ABCC9: variants seen among roughly 807,000 people sequenced by gnomAD.
ABCC9 encodes the protein ATP binding cassette subfamily C member 9, also known as ATP-binding cassette sub-family C member 9.
Under a neutral mutation model 188.3 loss-of-function variants are expected in ABCC9, and 95 were observed. The ratio of observed to expected loss-of-function variants is 0.50; its 90% CI spans 0.43 to 0.60. The LOEUF (loss-of-function observed/expected upper bound fraction) is 0.60. ABCC9 is among the 20% of genes least tolerant of loss of function. ABCC9 has a pLI of 0.00. For missense variants in ABCC9, 1,102 were observed against 1,876.3 expected (o/e 0.59, Z 7.62); for synonymous variants, 659 against 652.7 (o/e 1.01, Z -0.15).
At position 21,895,235 on chromosome 12, in the gene ABCC9, G is replaced by A. The variant is rs138216988; in HGVS notation, c.1659+40C>T. On this transcript the variant is annotated intron_variant, in intron 13 of 39. Transcript: ENST00000261200. ...TGCTCATAAATCATTTATAAACACT[G>A]ACTTGGTTTCATTTCTAAAAGAGAG... 1.7e-4 allele frequency: 267 copies of A among 1,561,818 alleles called. No individual in the cohort carries two copies. In the African/African-American group the frequency reaches 2.5e-3, roughly 15 times the overall value.
Position 21,863,070 on chromosome 12 carries a change from GAAAA to G in ABCC9, c.2238-20_2238-17del. ...CCTGTTCCTACTGAAAAATGAAAAA[GAAAA>G]AAAAAAACACCAGGATTATGCAAAG... On this transcript the variant is annotated splice_polypyrimidine_tract_variant and intron_variant, in intron 19 of 39. Transcript: ENST00000261200. 11 of 1,299,860 alleles carry G rather than the reference GAAAA, an allele frequency of 8.5e-6. No homozygotes were observed. The highest frequency in any genetic ancestry group is 1.2e-5 in the Non-Finnish European group (11 of 934,162). The allele number at this position is 1,299,860 out of a possible 1,614,324, so 80.5% of individuals were successfully genotyped here.
At chr12:21,898,387 T>C (rs759029391) in intron 12 of ABCC9, among the ~76,000 whole-genome samples, 1 of 152,094 alleles carries the variant, frequency 6.6e-6, no homozygotes, top group Non-Finnish European at 1.5e-5. Flanking sequence ...CAACTTAGAG[T>C]AGTACAATAT....
chr12:21,910,316 C>CAAA lies in ABCC9; in HGVS notation c.1165-5_1165-4insTTT. 1 of 1,469,216 alleles carries CAAA rather than the reference C, an allele frequency of 6.8e-7. No homozygotes were observed. The highest frequency in any genetic ancestry group is 1.3e-5 in the South Asian group (1 of 76,472). 91.0% of individuals were successfully genotyped at this position (1,469,216 alleles called of 1,614,324 possible). ...GGATTTTATTATAAATCATGGCCTA[C>CAAA]CAAAAAAAAAAAAAAGAGTACATAA... On this transcript the variant is annotated splice_region_variant and splice_polypyrimidine_tract_variant and intron_variant, in intron 9 of 39. Coordinates refer to ENST00000261200, the MANE Select transcript of ABCC9 (RefSeq NM_020297.4).
chr12:21,848,234 C>A lies in ABCC9; in HGVS notation c.2782G>T (p.Asp928Tyr). The A allele has an allele frequency of 6.2e-7, 1 of 1,613,366 alleles. No homozygotes were observed. Among genetic ancestry groups the A allele is most frequent in the South Asian group, 1.1e-5 (1 of 91,064 alleles). ...DQELEKDMEA[D>Y]QTTLERKTLR... is the part of the protein sequence containing the mutation. ...GTTTTCCTCTCTAAAGTAGTTTGGT[C>A]AGCTTCCATATCCTGCAGTAAACAT... Residue 928 changes from aspartate (D) to tyrosine (Y), a missense_variant, in exon 25 of 40, where the codon GAC becomes TAC. Physicochemically the swap from Asp to Tyr is radical, Grantham distance 160. Transcript: ENST00000261200.
chr12:21,806,483 A>C (rs1054702980), intron 38 of ABCC9, among the ~76,000 whole-genome samples: 1 of 152,200 alleles, frequency 6.6e-6, no homozygotes, highest in Non-Finnish European at 1.5e-5. Context: ...TGGACATTCT[A>C]GGCAGCAACT....
chr12:21,904,062 T>C (rs1201532166), intron 12 of ABCC9, among the ~76,000 whole-genome samples: 1 of 152,218 alleles, frequency 6.6e-6, no homozygotes, highest in African/African-American at 2.4e-5. Flanking sequence ...AACAGCATGG[T>C]ACTGGTACCA....
intron 13 of ABCC9, among the ~76,000 whole-genome samples, chr12:21,894,733 C>T (rs369474017): frequency 4.1e-4 from 63 of 152,282 alleles, no homozygotes; most frequent in African/African-American, 1.5e-3. Context: ...ACCTCAGCCT[C>T]CCAGTTAGCC....
At position 21,913,033 on chromosome 12, in the gene ABCC9, A is replaced by G; in HGVS notation, c.850T>C (p.Ser284Pro). ...KVADHPNRTPSIWLAMYRAFG... is the reference protein window; with the variant it reads ...KVADHPNRTPPIWLAMYRAFG... Reference sequence around the variant, plus strand: ...GCTCTGTACATTGCAAGCCATATAGATGGAGTCCGATTTGGATGATCTGCA... The same window carrying G: ...GCTCTGTACATTGCAAGCCATATAGGTGGAGTCCGATTTGGATGATCTGCA... The change falls in exon 8 of 40, where the codon TCT becomes CCT. Residue 284 changes from serine to proline, a missense_variant. Coordinates refer to ENST00000261200, the MANE Select transcript of ABCC9 (RefSeq NM_020297.4). 6.2e-7 allele frequency: 1 copy of G among 1,607,170 alleles called. No homozygotes were observed. Among genetic ancestry groups the G allele is most frequent in the Non-Finnish European group, 8.5e-7 (1 of 1,178,034 alleles).
chr12:21,898,478 T>G (rs1947539901), intron 12 of ABCC9, among the ~76,000 whole-genome samples: 2 of 152,168 alleles, frequency 1.3e-5, no homozygotes, highest in Admixed American at 1.3e-4. Flanking sequence ...TAAAACTCCT[T>G]CCAACTTTAT....
At position 21,924,115 on chromosome 12, in the gene ABCC9, G is replaced by A. The variant is rs970357558; in HGVS notation, c.406+1827C>T. 2.1e-5 allele frequency: 7 copies of A among 336,760 alleles called. No homozygotes were observed. In the East Asian group the frequency reaches 3.2e-4, roughly 16 times the overall value. 20.9% of individuals were successfully genotyped at this position (336,760 alleles called of 1,614,324 possible). On this transcript the variant is annotated intron_variant, in intron 5 of 39. Transcript: ENST00000261200. ...ATTGCTTCTGTAAAGGTGAAATTGA[G>A]TATAAGAAAATTTGCATGGATGATA... is the stretch of plus-strand genomic sequence containing the variant.
chr12:21,817,115 A>T (rs546756971), intron 33 of ABCC9, 72 bp downstream of exon 33: 26 of 1,533,326 alleles, frequency 1.7e-5, no homozygotes, highest in Non-Finnish European at 2.2e-5. Flanking sequence ...AGAAACAACA[A>T]TGTGCCCAAC....
At chr12:21,906,051 A>C in intron 12 of ABCC9, 75 bp downstream of exon 12, 2 of 1,496,596 alleles carry the variant, frequency 1.3e-6, no homozygotes, top group South Asian at 2.3e-5. Flanking sequence ...CATTGATCAC[A>C]ATCTAAACTG....
Position 21,806,039 on chromosome 12 carries a change from C to T in ABCC9, c.4471G>A (p.Val1491Ile), listed in dbSNP as rs757007049. 6.2e-7 allele frequency: 1 copy of T among 1,613,464 alleles called. No homozygotes were observed. Among genetic ancestry groups the T allele is most frequent in the Non-Finnish European group, 8.5e-7 (1 of 1,179,724 alleles). Residue 1491 changes from valine (V) to isoleucine (I), a missense_variant, in exon 39 of 40, where the codon GTA (valine) becomes ATA (isoleucine). Transcript: ENST00000261200. ...MATENILQKV[V>I]MTAFADRTVV... is the part of the protein sequence containing the mutation. ...GTCCGGTCTGCAAAGGCTGTCATTACTACTTTTTGCAAAATATTCTCCTGC... is the reference window on the plus strand; with the variant it reads ...GTCCGGTCTGCAAAGGCTGTCATTATTACTTTTTGCAAAATATTCTCCTGC...
Position 21,814,631 on chromosome 12 carries a change from G to C in ABCC9, c.4102+13C>G. 3.1e-6 allele frequency: 5 copies of C among 1,612,688 alleles called. No individual in the cohort carries two copies. Among genetic ancestry groups the C allele is most frequent in the Non-Finnish European group, 4.2e-6 (5 of 1,178,924 alleles). On this transcript the variant is annotated intron_variant, in intron 35 of 39. Coordinates refer to ENST00000261200, the MANE Select transcript of ABCC9 (RefSeq NM_020297.4). ...ACCAAGTGGCCACTTAAAAAATTTA[G>C]TTAGCAACTCACCATCAAATATATC...
In ABCC9 at chr12:21,941,073, G is replaced by T. The variant is rs1565506404; in HGVS notation, c.-137+127C>A. 1.3e-5 allele frequency: 2 copies of T among 152,226 alleles called. No homozygotes were observed. The highest frequency in any genetic ancestry group is 2.1e-4 in the South Asian group (1 of 4,832). 9.4% of individuals were successfully genotyped at this position (152,226 alleles called of 1,614,324 possible). The stretch of plus-strand genomic sequence containing the variant: ...GAAATAGCGATCGCGAAAGCTAAGT[G>T]CCGAGAAGTGCGAGAGAGTGCGAGG... On this transcript the variant is annotated intron_variant, in intron 1 of 39. Transcript: ENST00000261200. The surrounding 1 kb of genome is among the most constrained non-coding windows in gnomAD (Gnocchi z 5.4).
At chr12:21,808,133 AG>A (rs1481168076) in intron 37 of ABCC9, among the ~76,000 whole-genome samples, 1 of 152,062 alleles carries the variant, frequency 6.6e-6, no homozygotes, top group Admixed American at 6.6e-5. Flanking sequence ...CTTTTTTATT[AG>A]AATTCAAACA....
intron 22 of ABCC9, among the ~76,000 whole-genome samples, chr12:21,853,167 A>G (rs565481971): frequency 1.2e-4 from 18 of 152,168 alleles, no homozygotes; most frequent in African/African-American, 4.3e-4. Flanking sequence ...CACAAAAATT[A>G]GCTGGGCATG....
intron 29 of ABCC9, among the ~76,000 whole-genome samples, chr12:21,838,391 T>C (rs1944213649): frequency 6.6e-6 from 1 of 152,158 alleles, no homozygotes; most frequent in Non-Finnish European, 1.5e-5. Context: ...ACATAATGTG[T>C]TGTACAAAAC....
chr12:21,903,073 A>C (rs1184484653), intron 12 of ABCC9, among the ~76,000 whole-genome samples: 4 of 152,202 alleles, frequency 2.6e-5, no homozygotes, highest in African/African-American at 9.6e-5. Flanking sequence ...ATCCAGCAGC[A>C]CATCAAAAAT....
Sources: gnomAD v4.1 joint callset for allele counts (sites outside exome capture counted in the v4.1 genomes callset) on GRCh38, gnomAD v4.1.1 for gene constraint, Gnocchi (gnomAD v3.1) non-coding constraint, MANE v1.5 for transcripts, NCBI Gene and HGNC (gene_info 2026-07-23, HGNC 2026-07-21) for gene names.